RBFOX1: variants seen among roughly 807,000 people sequenced by gnomAD.
RBFOX1 encodes RNA binding fox-1 homolog 1, also known as RNA binding protein fox-1 homolog 1.
Under a neutral mutation model 57.7 loss-of-function variants are expected in RBFOX1, and 8 were observed. That is an observed-to-expected ratio of 0.14 (90% CI 0.08 to 0.25). RBFOX1 has a LOEUF of 0.25. Among genes scored for constraint, RBFOX1 ranks in the 10% least tolerant of loss-of-function variants. The pLI, the probability that RBFOX1 is intolerant of heterozygous loss-of-function variation, is 1.00. For missense variants in RBFOX1, 611 were observed against 548.5 expected (o/e 1.11, Z -1.14); for synonymous variants, 326 against 222.4 (o/e 1.47, Z -4.15).
At chr16:7,083,466 A>C (rs1046854118) in intron 4 of RBFOX1, among the ~76,000 whole-genome samples, 3 of 152,090 alleles carry the variant, frequency 2.0e-5, no homozygotes, top group Non-Finnish European at 4.4e-5. Context: ...ATATAAAAAA[A>C]CAAGAAATGA....
chr16:5,607,949 G>C (rs34554599), intron 3 of RBFOX1, among the ~76,000 whole-genome samples: 30,473 of 152,206 alleles, frequency 0.2, 3,839 homozygotes, highest in East Asian at 0.41. Flanking sequence ...CATTGGGGTT[G>C]TTTGTAGTTT....
At chr16:6,769,043 C>G (rs924967434) in intron 3 of RBFOX1, among the ~76,000 whole-genome samples, 1 of 151,942 alleles carries the variant, frequency 6.6e-6, no homozygotes, top group African/African-American at 2.4e-5. Context: ...ACTTCTTTTT[C>G]TGTTTAACAG....
intron 1 of RBFOX1, among the ~76,000 whole-genome samples, chr16:5,405,796 T>TG (rs1417756689): frequency 7.2e-5 from 11 of 152,238 alleles, no homozygotes; most frequent in Middle Eastern, 3.4e-3. Flanking sequence ...GGAGTGTGAC[T>TG]GGGGGGCATC....
intron 3 of RBFOX1, among the ~76,000 whole-genome samples, chr16:5,773,848 C>G (rs1448164168): frequency 6.6e-6 from 1 of 152,074 alleles, no homozygotes; most frequent in Non-Finnish European, 1.5e-5. Flanking sequence ...CAGGTGAGCA[C>G]TACCATGCCT....
intron 3 of RBFOX1, among the ~76,000 whole-genome samples, chr16:6,906,231 AATTT>A (rs1237828591): frequency 7.2e-6 from 1 of 139,042 alleles, no homozygotes; most frequent in African/African-American, 3.1e-5. Flanking sequence ...CCCAAAAAGC[AATTT>A]ATTACCCCCC....
At chr16:7,317,175 G>A (rs565075963) in intron 4 of RBFOX1, among the ~76,000 whole-genome samples, 128 of 152,248 alleles carry the variant, frequency 8.4e-4, no homozygotes, top group Non-Finnish European at 1.0e-3. Flanking sequence ...TGGACTAGGA[G>A]TGGACAGAAA....
intron 4 of RBFOX1, among the ~76,000 whole-genome samples, chr16:7,471,122 G>A (rs189660832): frequency 3.9e-5 from 6 of 151,970 alleles, no homozygotes; most frequent in Admixed American, 1.3e-4. Context: ...CAGTAACTAC[G>A]TCTTGTTTAT....
intron 4 of RBFOX1, among the ~76,000 whole-genome samples, chr16:5,961,774 T>G (rs2059754706): frequency 6.6e-6 from 1 of 152,166 alleles, no homozygotes; most frequent in Non-Finnish European, 1.5e-5. Flanking sequence ...GCAGTCCTCC[T>G]GCCTCAGCCT....
At chr16:5,814,733 C>T (rs954015489) in intron 3 of RBFOX1, among the ~76,000 whole-genome samples, 1 of 152,088 alleles carries the variant, frequency 6.6e-6, no homozygotes, top group Non-Finnish European at 1.5e-5. Context: ...TCGAGACCAT[C>T]CTGGCTAACA....
At chr16:6,867,475 T>C (rs59937482) in intron 3 of RBFOX1, among the ~76,000 whole-genome samples, 3,356 of 151,950 alleles carry the variant, frequency 0.022, 134 homozygotes, top group African/African-American at 0.072. Flanking sequence ...TTCCAGCACT[T>C]TGGGGGGCCG....
At chr16:7,526,310 T>A (rs1384284526) in intron 5 of RBFOX1, among the ~76,000 whole-genome samples, 1 of 152,146 alleles carries the variant, frequency 6.6e-6, no homozygotes, top group Non-Finnish European at 1.5e-5. Flanking sequence ...TGGCTTAGAA[T>A]TCTCATGAAG....
intron 3 of RBFOX1, among the ~76,000 whole-genome samples, chr16:6,901,147 C>T (rs1038942964): frequency 2.0e-5 from 3 of 152,134 alleles, no homozygotes; most frequent in African/African-American, 7.2e-5. Flanking sequence ...TAGACTGTCT[C>T]TTTCATGTCT....
At chr16:7,176,810 A>G (rs1440283962) in intron 4 of RBFOX1, among the ~76,000 whole-genome samples, 1 of 152,250 alleles carries the variant, frequency 6.6e-6, no homozygotes, top group Non-Finnish European at 1.5e-5. Context: ...ACATATGCAC[A>G]AAACATCTGT....
intron 10 of RBFOX1, among the ~76,000 whole-genome samples, chr16:7,622,119 G>T (rs1447202839): frequency 6.6e-6 from 1 of 152,148 alleles, no homozygotes; most frequent in Non-Finnish European, 1.5e-5. Context: ...TTGGCCAAAA[G>T]TCTGTAGTTG....
At chr16:7,352,529 T>C (rs922646215) in intron 4 of RBFOX1, among the ~76,000 whole-genome samples, 1 of 152,232 alleles carries the variant, frequency 6.6e-6, no homozygotes. Context: ...CACTGCTGTT[T>C]GGTCAGTCCT....
At chr16:5,851,864 G>A (rs1208551416) in intron 3 of RBFOX1, among the ~76,000 whole-genome samples, 7 of 152,322 alleles carry the variant, frequency 4.6e-5, no homozygotes, top group Admixed American at 3.3e-4. Flanking sequence ...GAAGGACGAT[G>A]TCTTGGCCAG....
intron 4 of RBFOX1, among the ~76,000 whole-genome samples, chr16:7,280,598 C>T (rs574924330): frequency 6.6e-6 from 1 of 152,142 alleles, no homozygotes; most frequent in Non-Finnish European, 1.5e-5. Flanking sequence ...CTCAGTGGGG[C>T]CGCTACCTTC....
intron 2 of RBFOX1, among the ~76,000 whole-genome samples, chr16:6,509,892 A>G (rs912433801): frequency 6.6e-6 from 1 of 152,210 alleles, no homozygotes; most frequent in Admixed American, 6.5e-5. Flanking sequence ...ATTTGAGGAG[A>G]TGTAAAATAA....
chr16:6,646,142 G>C (rs975340868), intron 2 of RBFOX1, among the ~76,000 whole-genome samples: 1 of 152,036 alleles, frequency 6.6e-6, no homozygotes, highest in Admixed American at 6.6e-5. Flanking sequence ...TGGTCGAGTG[G>C]GGCTGAAGTA....
Sources: gnomAD v4.1 joint callset for allele counts (sites outside exome capture counted in the v4.1 genomes callset) on GRCh38, gnomAD v4.1.1 for gene constraint, MANE v1.5 for transcripts, NCBI Gene and HGNC (gene_info 2026-07-23, HGNC 2026-07-21) for gene names.